Variants in HRH4 observed in about 807,000 individuals in gnomAD.
HRH4 encodes histamine H4 receptor.
HRH4 carries 12 observed loss-of-function variants against 10.4 expected under a neutral mutation model. That is an observed-to-expected ratio of 1.15 (90% confidence interval 0.74 to 1.87). The LOEUF is 1.87. Among genes scored for constraint, HRH4 ranks in the 40% most tolerant of loss-of-function variants. The probability of loss-of-function intolerance (pLI) is 0.00; values close to 1 mark genes in which losing one functional copy is unlikely to be tolerated. For synonymous variants in HRH4, 154 were observed against 166.6 expected, an observed-to-expected ratio of 0.92 and a Z score of 0.58; for missense variants, 415 against 453.3, an observed-to-expected ratio of 0.92 and a Z score of 0.77.
intron 1 of HRH4, among the ~76,000 whole-genome samples, chr18:24,468,223 A>G (rs1003860290): frequency 6.6e-6 from 1 of 152,036 alleles, no homozygotes; most frequent in African/African-American, 2.4e-5. Context: ...ATTTTTAATA[A>G]TAAAGATGGG....
chr18:24,463,722 G>A (rs772874392), intron 1 of HRH4, among the ~76,000 whole-genome samples: 4 of 152,096 alleles, frequency 2.6e-5, no homozygotes, highest in Admixed American at 6.6e-5. Context: ...GGCCCTCTGC[G>A]GAGAATCTAA....
intron 1 of HRH4, 130 bp downstream of exon 1, chr18:24,461,051 A>G (rs1909625528): frequency 1.5e-6 from 1 of 654,184 alleles, no homozygotes; most frequent in South Asian, 3.4e-5. Flanking sequence ...AAGTTTAAGT[A>G]TTAAATTTTG....
intron 1 of HRH4, among the ~76,000 whole-genome samples, chr18:24,462,335 TAAAAC>T (rs1321585176): frequency 6.6e-6 from 1 of 152,096 alleles, no homozygotes; most frequent in African/African-American, 2.4e-5. Flanking sequence ...TTAAAGATTT[TAAAAC>T]AGGAGAGTGG....
Position 24,477,865 on chromosome 18 carries a change from G to A in HRH4, c.*303G>A, listed in dbSNP as rs1910190118. On this transcript the variant is annotated 3_prime_UTR_variant, in exon 3 of 3. Transcript: ENST00000256906. ...TGTTCCATGCATAATACAGTCTTAA[G>A]TGAATTTCTCTTTTTTAATTTTATC... 3 of 229,644 alleles carry A rather than the reference G, an allele frequency of 1.3e-5. No individual in the cohort carries two copies. The South Asian group carries it at 4.6e-4, about 35-fold the overall frequency. The allele number at this position is 229,644 out of a possible 1,614,324, so 14.2% of individuals were successfully genotyped here.
chr18:24,476,713 T>C (rs373456077), intron 2 of HRH4, 34 bp from the exon 3 acceptor site: 2 of 1,457,672 alleles, frequency 1.4e-6, no homozygotes, highest in South Asian at 1.2e-5. Context: ...AACATACACA[T>C]TCATTATATT....
chr18:24,475,290 G>A (rs988883810), intron 2 of HRH4, among the ~76,000 whole-genome samples: 1 of 134,322 alleles, frequency 7.4e-6, no homozygotes, highest in Non-Finnish European at 1.5e-5. Context: ...GGTTGTCACA[G>A]CTTTGACATT....
intron 1 of HRH4, among the ~76,000 whole-genome samples, chr18:24,467,742 C>T (rs1909815548): frequency 6.6e-6 from 1 of 152,090 alleles, no homozygotes; most frequent in South Asian, 2.1e-4. Context: ...TGAGGTTTCA[C>T]CATGTTGGGC....
rs1316840229 is a variant in HRH4, at chr18:24,477,540, A to G, written c.1151A>G (p.His384Arg). Residue 384 changes from histidine to arginine, a missense_variant, in exon 3 of 3, where the codon CAC becomes CGC. His to Arg is a conservative substitution (Grantham distance 29). Coordinates refer to ENST00000256906, the MANE Select transcript of HRH4 (RefSeq NM_021624.4). ...CIKKQPLPSQ[H>R]SRSVSS ...AAAAAGCAACCTCTACCATCACAACACAGTCGGTCAGTATCTTCTTAAAGA... is the reference window on the plus strand; with the variant it reads ...AAAAAGCAACCTCTACCATCACAACGCAGTCGGTCAGTATCTTCTTAAAGA... 6.3e-7 allele frequency: 1 copy of G among 1,584,412 alleles called. No individual in the cohort carries two copies. The highest frequency in any genetic ancestry group is 8.6e-7 in the Non-Finnish European group (1 of 1,166,860).
intron 2 of HRH4, among the ~76,000 whole-genome samples, chr18:24,469,302 G>A (rs543642049): frequency 4.6e-5 from 7 of 152,254 alleles, no homozygotes; most frequent in Middle Eastern, 3.4e-3. Context: ...TATATTCCTC[G>A]GAATGGAACT....
chr18:24,471,406 A>T, intron 2 of HRH4, among the ~76,000 whole-genome samples: 1 of 151,554 alleles, frequency 6.6e-6, no homozygotes, highest in Non-Finnish European at 1.5e-5. Context: ...GGAGTTGGAG[A>T]CCAGCCTGGC....
chr18:24,477,298 G>T lies in HRH4; in HGVS notation c.909G>T (p.Lys303Asn). The T allele has an allele frequency of 6.2e-7, 1 of 1,614,194 alleles. No individual in the cohort carries two copies. Among genetic ancestry groups the T allele is most frequent in the Non-Finnish European group, 8.5e-7 (1 of 1,180,022 alleles). ...VELLRARRLA[K>N]SLAILLGVFA... ...TGCTTAGAGCCAGGAGATTAGCCAAGTCACTGGCCATTCTCTTAGGGGTTT... is the reference window on the plus strand; with the variant it reads ...TGCTTAGAGCCAGGAGATTAGCCAATTCACTGGCCATTCTCTTAGGGGTTT... Residue 303 changes from lysine to asparagine, a missense_variant, in exon 3 of 3, where the codon AAG becomes AAT. Lys to Asn is a moderately conservative substitution (Grantham distance 94). Coordinates refer to ENST00000256906, the MANE Select transcript of HRH4 (RefSeq NM_021624.4).
Position 24,477,604 on chromosome 18 carries a change from C to A in HRH4, c.*42C>A, listed in dbSNP as rs370363669. Reference sequence around the variant, plus strand: ...TCTGTAAATTTTAGTCTCAATCTCACCTAAATGAATCAGGTCTGCCCTTTA... The same window carrying A: ...TCTGTAAATTTTAGTCTCAATCTCAACTAAATGAATCAGGTCTGCCCTTTA... On this transcript the variant is annotated 3_prime_UTR_variant, in exon 3 of 3. Transcript: ENST00000256906. 2.2e-6 allele frequency: 3 copies of A among 1,361,612 alleles called. No individual in the cohort carries two copies. Among genetic ancestry groups the A allele is most frequent in the Non-Finnish European group, 3.0e-6 (3 of 998,808 alleles). The allele number at this position is 1,361,612 out of a possible 1,614,324, so 84.3% of individuals were successfully genotyped here. A position where few individuals can be genotyped will look rare whatever the true frequency, so the allele number is the denominator to read the frequency against.
intron 1 of HRH4, among the ~76,000 whole-genome samples, chr18:24,467,077 G>C (rs1306282883): frequency 1.3e-5 from 2 of 152,214 alleles, no homozygotes; most frequent in Non-Finnish European, 2.9e-5. Flanking sequence ...CTTGCTAGTT[G>C]AGTGGACCTT....
At position 24,460,763 on chromosome 18, in the gene HRH4, T is replaced by C. The variant is rs753662175; in HGVS notation, c.35T>C (p.Leu12Pro). ...ACTAATAGCACAATCAATTTATCAC[T>C]AAGCACTCGTGTTACTTTAGCATTT... ...PDTNSTINLS[L>P]STRVTLAFFM... is the part of the protein sequence containing the mutation. The change falls in exon 1 of 3, where the codon CTA becomes CCA. Residue 12 changes from leucine to proline, a missense_variant. By Grantham distance (98) the Leu-to-Pro change is moderately conservative. Transcript: ENST00000256906. 2.6e-6 allele frequency: 4 copies of C among 1,532,826 alleles called. No homozygotes were observed. In the South Asian group the frequency reaches 5.2e-5, roughly 20 times the overall value. The allele number at this position is 1,532,826 out of a possible 1,614,324, so 95.0% of individuals were successfully genotyped here. A position where few individuals can be genotyped will look rare whatever the true frequency, so the allele number is the denominator to read the frequency against.
At chr18:24,473,464 C>G (rs577487850) in intron 2 of HRH4, among the ~76,000 whole-genome samples, 2 of 152,210 alleles carry the variant, frequency 1.3e-5, no homozygotes, top group African/African-American at 2.4e-5. Flanking sequence ...TGTCTTTTAG[C>G]TGCTGGTGTT....
In HRH4 at chr18:24,478,287, G is replaced by A. The variant is rs2144387786; in HGVS notation, c.*725G>A. ...AGCTTCCACATCAGCTTCCTTTTTT[G>A]AGAACATATAGAAGAAGAAGGCTAA... On this transcript the variant is annotated 3_prime_UTR_variant, in exon 3 of 3. Coordinates refer to ENST00000256906, the MANE Select transcript of HRH4 (RefSeq NM_021624.4). The A allele has an allele frequency of 6.6e-6, 1 of 152,264 alleles. No homozygotes were observed. The highest frequency in any genetic ancestry group is 2.1e-4 in the South Asian group (1 of 4,824). 9.4% of individuals were successfully genotyped at this position (152,264 alleles called of 1,614,324 possible). A position where few individuals can be genotyped will look rare whatever the true frequency, so the allele number is the denominator to read the frequency against.
intron 2 of HRH4, among the ~76,000 whole-genome samples, chr18:24,475,339 G>A (rs536468): frequency 0.082 from 12,267 of 150,160 alleles, 563 homozygotes; most frequent in African/African-American, 0.1. Context: ...AAGAAGTAAC[G>A]TGGGTGGGCT....
At chr18:24,474,691 T>TA (rs1910085799) in intron 2 of HRH4, among the ~76,000 whole-genome samples, 1 of 98,732 alleles carries the variant, frequency 1.0e-5, no homozygotes, top group Admixed American at 1.2e-4. Flanking sequence ...CTTGGAACCT[T>TA]ACTGATTTTT....
In HRH4 at chr18:24,465,615, A is replaced by G. The variant is rs193298918; in HGVS notation, c.194-3173A>G. 2.0e-5 allele frequency among the ~76,000 whole-genome samples: 3 copies of G among 152,312 alleles called. No homozygotes were observed. In the East Asian group the frequency reaches 5.8e-4, roughly 29 times the overall value. ...GGTGTAGAAACACTTCAGAGTAGGT[A>G]TATTAGAGAAATAGTTCAGATTCCG... is the stretch of plus-strand genomic sequence containing the variant. On this transcript the variant is annotated intron_variant, in intron 1 of 2. Transcript: ENST00000256906.
Sources: gnomAD v4.1 joint callset for allele counts (sites outside exome capture counted in the v4.1 genomes callset) on GRCh38, gnomAD v4.1.1 for gene constraint, MANE v1.5 for transcripts, NCBI Gene and HGNC (gene_info 2026-07-23, HGNC 2026-07-21) for gene names.